The following CELF2 variants were observed in gnomAD, a reference collection of about 807,000 sequenced individuals.
The protein encoded by CELF2 is CUG triplet repeat RNA-binding protein 2.
In CELF2, 8 loss-of-function variants were observed where a neutral mutation model predicts 62.6. That is an observed-to-expected ratio of 0.13 (90% confidence interval 0.07 to 0.23). The LOEUF (loss-of-function observed/expected upper bound fraction) is 0.23, where lower values mean the gene tolerates loss of function less well. Ranked by LOEUF, CELF2 falls within the 10% of genes least tolerant of loss-of-function variation. The pLI, the probability that CELF2 is intolerant of heterozygous loss-of-function variation, is 1.00. For synonymous variants in CELF2, 258 were observed against 250.0 expected, an observed-to-expected ratio of 1.03 and a Z score of -0.30; for missense variants, 333 against 671.0, an observed-to-expected ratio of 0.50 and a Z score of 5.56.
Position 11,237,543 on chromosome 10 carries a change from G to A in CELF2, c.355-11610G>A, listed in dbSNP as rs1009789968. 1.2e-4 allele frequency among the ~76,000 whole-genome samples: 18 copies of A among 152,188 alleles called. No individual in the cohort carries two copies. Among genetic ancestry groups the A allele is most frequent in the African/African-American group, 4.1e-4 (17 of 41,440 alleles). On this transcript the variant is annotated intron_variant, in intron 3 of 12. Coordinates refer to ENST00000633077, the MANE Select transcript of CELF2 (RefSeq NM_001326342.2). This position sits in a 1 kb window ranked among gnomAD's most constrained non-coding sequence, Gnocchi z 4.0. ...TGAGGAGACTTGTTCCCAATTTGAG[G>A]CCAGCACATGTACCAGGTCGTCAAG...
At chr10:10,967,743 A>T (rs1186117589) in intron 2 of CELF2, among the ~76,000 whole-genome samples, 2 of 152,210 alleles carry the variant, frequency 1.3e-5, no homozygotes, top group Admixed American at 6.5e-5. Flanking sequence ...ACCTGGGAGC[A>T]AATACACTGA....
chr10:10,930,972 A>G (rs2065995518), intron 2 of CELF2, among the ~76,000 whole-genome samples: 1 of 152,162 alleles, frequency 6.6e-6, no homozygotes, highest in Non-Finnish European at 1.5e-5. Flanking sequence ...GTGCCTGCCC[A>G]AGGTTGATTT....
At chr10:11,020,568 A>G (rs920354975) in intron 1 of CELF2, among the ~76,000 whole-genome samples, 3 of 152,226 alleles carry the variant, frequency 2.0e-5, no homozygotes, top group African/African-American at 4.8e-5. Flanking sequence ...GTATATTGCC[A>G]TTTGGACTAA....
At chr10:10,924,716 C>T (rs1483731845) in intron 2 of CELF2, among the ~76,000 whole-genome samples, 3 of 117,338 alleles carry the variant, frequency 2.6e-5, no homozygotes, top group African/African-American at 1.2e-4. Context: ...AATCCAGTAA[C>T]TTGATCGCTT....
the CELF2 span, among the ~76,000 whole-genome samples, chr10:10,732,193 G>C: frequency 3.3e-5 from 5 of 152,260 alleles, no homozygotes; most frequent in South Asian, 1.0e-3. Flanking sequence ...GGCATGCACA[G>C]CTAGGCTCAA....
rs2096107002 is a variant in CELF2, at chr10:11,335,696, A to T, written c.*6643A>T. Reference sequence around the variant, plus strand: ...GTGGGAAAGGATGGCTAAGGGTGTGATTTCTTTTTATTAGGGAGGTGGGAG... The same window carrying T: ...GTGGGAAAGGATGGCTAAGGGTGTGTTTTCTTTTTATTAGGGAGGTGGGAG... On this transcript the variant is annotated 3_prime_UTR_variant, in exon 13 of 13. Transcript: ENST00000633077. This position sits in a 1 kb window ranked among gnomAD's most constrained non-coding sequence, Gnocchi z 5.0. 6.6e-6 allele frequency: 1 copy of T among 151,308 alleles called. No homozygotes were observed. Among genetic ancestry groups the T allele is most frequent in the African/African-American group, 2.4e-5 (1 of 41,168 alleles). The allele number at this position is 151,308 out of a possible 1,614,324, so 9.4% of individuals were successfully genotyped here.
rs1377381662 is a variant in CELF2 at position 11,178,357 on chromosome 10, T to G, written c.271+12675T>G. ...TCTGCAAGTCCAGCACAGGGTGTAT[T>G]CAGCTCTAGAGGTGGCAAACACGGG... On this transcript the variant is annotated intron_variant, in intron 2 of 12. Coordinates refer to ENST00000633077, the MANE Select transcript of CELF2 (RefSeq NM_001326342.2). This position sits in a 1 kb window ranked among gnomAD's most constrained non-coding sequence, Gnocchi z 4.3. Among the ~76,000 whole-genome samples, 1 of 152,196 alleles carries G rather than the reference T, an allele frequency of 6.6e-6. No individual in the cohort carries two copies. The highest frequency in any genetic ancestry group is 1.5e-5 in the Non-Finnish European group (1 of 68,032).
chr10:10,721,103 T>C, the CELF2 span, among the ~76,000 whole-genome samples: 2 of 152,228 alleles, frequency 1.3e-5, no homozygotes, highest in Non-Finnish European at 2.9e-5. Context: ...ACTATAAACA[T>C]TTGCATTTTA....
At chr10:10,518,912 C>A in the CELF2 span, among the ~76,000 whole-genome samples, 1 of 152,072 alleles carries the variant, frequency 6.6e-6, no homozygotes, top group East Asian at 1.9e-4. Context: ...CCCAGTGGAG[C>A]TTTCTAAGCA....
chr10:11,086,402 G>A (rs61830443), intron 1 of CELF2, among the ~76,000 whole-genome samples: 37,888 of 151,598 alleles, frequency 0.25, 5,017 homozygotes, highest in Middle Eastern at 0.31. Flanking sequence ...TGAGCTGCAC[G>A]CTGCCTACCC....
intron 1 of CELF2, among the ~76,000 whole-genome samples, chr10:10,851,032 C>T (rs1482964281): frequency 1.3e-5 from 2 of 152,140 alleles, no homozygotes; most frequent in African/African-American, 4.8e-5. Flanking sequence ...TCTCAAACTC[C>T]TGACTTCAAG....
At chr10:10,837,292 T>C (rs1173598665) in intron 1 of CELF2, among the ~76,000 whole-genome samples, 1 of 152,232 alleles carries the variant, frequency 6.6e-6, no homozygotes, top group African/African-American at 2.4e-5. Flanking sequence ...CCCCTTTCAC[T>C]TGGCTCTCAT....
rs1345788378 is a variant in CELF2 at position 11,018,058 on chromosome 10, C to G, written c.-32C>G. 6.4e-6 allele frequency: 9 copies of G among 1,401,538 alleles called. No homozygotes were observed. Among genetic ancestry groups the G allele is most frequent in the Non-Finnish European group, 7.6e-6 (8 of 1,057,644 alleles). 86.8% of individuals were successfully genotyped at this position (1,401,538 alleles called of 1,614,324 possible). On this transcript the variant is annotated 5_prime_UTR_variant, in exon 1 of 13. Transcript: ENST00000633077. ...CCGCTCGGACGCGCGCAGAGCCGCC[C>G]CCCGCCGCTGCCGCCGCGTGCGCCC...
the CELF2 span, among the ~76,000 whole-genome samples, chr10:10,773,308 C>G: frequency 1.3e-5 from 2 of 152,166 alleles, no homozygotes; most frequent in Non-Finnish European, 2.9e-5. Flanking sequence ...TAGGCACAAA[C>G]AAAAAGCTAT....
the CELF2 span, among the ~76,000 whole-genome samples, chr10:10,503,327 T>A: frequency 6.6e-6 from 1 of 151,960 alleles, no homozygotes; most frequent in Non-Finnish European, 1.5e-5. Flanking sequence ...AGCAGAATGT[T>A]AAAGTCTATA....
the CELF2 span, among the ~76,000 whole-genome samples, chr10:10,618,057 C>A: frequency 2.0e-5 from 3 of 152,020 alleles, no homozygotes; most frequent in African/African-American, 7.3e-5. Flanking sequence ...CTCTCTCCAC[C>A]CCCAGGGCTG....
At chr10:10,609,497 G>A in the CELF2 span, among the ~76,000 whole-genome samples, 1 of 152,192 alleles carries the variant, frequency 6.6e-6, no homozygotes, top group African/African-American at 2.4e-5. Context: ...ACAGCAAAAG[G>A]TTTTGAACAG....
intron 1 of CELF2, among the ~76,000 whole-genome samples, chr10:11,083,102 G>T (rs953044610): frequency 6.6e-6 from 1 of 152,220 alleles, no homozygotes; most frequent in Non-Finnish European, 1.5e-5. Flanking sequence ...TGCATCCTTC[G>T]GTTGTGATTG....
At chr10:11,160,104 A>G (rs2065366408) in intron 1 of CELF2, among the ~76,000 whole-genome samples, 2 of 152,252 alleles carry the variant, frequency 1.3e-5, no homozygotes, top group African/African-American at 4.8e-5. Flanking sequence ...AGGAATCACA[A>G]CAAGATTTCA....
Sources: gnomAD v4.1 joint callset for allele counts (sites outside exome capture counted in the v4.1 genomes callset) on GRCh38, gnomAD v4.1.1 for gene constraint, Gnocchi (gnomAD v3.1) non-coding constraint, MANE v1.5 for transcripts, NCBI Gene and HGNC (gene_info 2026-07-23, HGNC 2026-07-21) for gene names.